Variants in PPFIA2 observed in about 807,000 individuals in gnomAD.
The protein encoded by PPFIA2 is liprin-alpha-2.
PPFIA2 carries 46 observed loss-of-function variants against 175.5 expected under a neutral mutation model. That is an observed-to-expected ratio of 0.26 (90% CI 0.21 to 0.34). PPFIA2 has a LOEUF of 0.34. Ranked by LOEUF, PPFIA2 falls within the 10% of genes least tolerant of loss-of-function variation. PPFIA2 has a pLI of 1.00. For synonymous variants in PPFIA2, 568 were observed against 511.4 expected (o/e 1.11, Z -1.49); for missense variants, 1,179 against 1,506.1 (o/e 0.78, Z 3.60).
intron 4 of PPFIA2, among the ~76,000 whole-genome samples, chr12:81,522,428 T>C (rs1021243993): frequency 6.6e-6 from 1 of 151,954 alleles, no homozygotes; most frequent in Non-Finnish European, 1.5e-5. Flanking sequence ...ATTCACTCTC[T>C]GAAAAAAAAA....
chr12:81,694,089 G>C (rs1367718440), intron 3 of PPFIA2, among the ~76,000 whole-genome samples: 1 of 152,042 alleles, frequency 6.6e-6, no homozygotes, highest in Non-Finnish European at 1.5e-5. Flanking sequence ...AATGCATAAA[G>C]TTTGGAAAAT....
intron 4 of PPFIA2, among the ~76,000 whole-genome samples, chr12:81,653,234 G>A (rs1411408072): frequency 6.6e-6 from 1 of 151,938 alleles, no homozygotes; most frequent in Non-Finnish European, 1.5e-5. Context: ...ATTTTCCATA[G>A]TACTTGGAAT....
chr12:81,650,396 T>C (rs1168399174), intron 4 of PPFIA2, among the ~76,000 whole-genome samples: 3 of 152,204 alleles, frequency 2.0e-5, no homozygotes, highest in Non-Finnish European at 4.4e-5. Context: ...ACTTGTACTA[T>C]TAGTCTTTAA....
chr12:81,498,714 T>A (rs1172907609), intron 4 of PPFIA2, among the ~76,000 whole-genome samples: 1 of 152,142 alleles, frequency 6.6e-6, no homozygotes, highest in African/African-American at 2.4e-5. Flanking sequence ...AACCTCCACC[T>A]CCCAGGTTCA....
chr12:81,662,596 A>T (rs2069145154), intron 4 of PPFIA2, among the ~76,000 whole-genome samples: 1 of 152,184 alleles, frequency 6.6e-6, no homozygotes. Flanking sequence ...GACCAGATGG[A>T]TTCACAGCCG....
chr12:81,565,972 T>G (rs562821485), intron 4 of PPFIA2, among the ~76,000 whole-genome samples: 11 of 152,290 alleles, frequency 7.2e-5, no homozygotes, highest in African/African-American at 2.6e-4. Context: ...CTGTCACATA[T>G]GTATATTTAC....
rs753815136 is a variant in PPFIA2 at position 81,353,288 on chromosome 12, G to A, written c.1825C>T (p.Leu609=). The A allele has an allele frequency of 1.2e-6, 2 of 1,613,546 alleles. No homozygotes were observed. Among genetic ancestry groups the A allele is most frequent in the Admixed American group, 1.7e-5 (1 of 59,938 alleles). Residue 609 remains leucine, a synonymous_variant, in exon 17 of 33, where the codon CTA becomes TTA. Coordinates refer to ENST00000549396, the MANE Select transcript of PPFIA2 (RefSeq NM_003625.5). The stretch of plus-strand genomic sequence containing the variant: ...TCACTTTCAAAAGGGTGGCTGCTTA[G>A]TACTCCAATCTGTTGAGTTCTATTC... ...EWNRTQQIGV[L]SSHPFESDTE...
chr12:81,666,284 T>C (rs538049476), intron 4 of PPFIA2, among the ~76,000 whole-genome samples: 1 of 152,316 alleles, frequency 6.6e-6, no homozygotes, highest in South Asian at 2.1e-4. Context: ...GGATTATAAA[T>C]CATGCTGCTA....
intron 4 of PPFIA2, among the ~76,000 whole-genome samples, chr12:81,473,167 G>C (rs1181229572): frequency 6.6e-6 from 1 of 152,150 alleles, no homozygotes; most frequent in Non-Finnish European, 1.5e-5. Flanking sequence ...CAGCACTCTG[G>C]GGGGCTGAGG....
chr12:81,732,573 T>C (rs2081061879), intron 3 of PPFIA2, among the ~76,000 whole-genome samples: 1 of 146,828 alleles, frequency 6.8e-6, no homozygotes, highest in Non-Finnish European at 1.5e-5. Flanking sequence ...TTACAAACAA[T>C]GTGTATTTCT....
chr12:81,476,058 T>C (rs1168755968), intron 4 of PPFIA2, among the ~76,000 whole-genome samples: 1 of 152,198 alleles, frequency 6.6e-6, no homozygotes, highest in Non-Finnish European at 1.5e-5. Flanking sequence ...GATAAGTTTC[T>C]TCTAGGCTAG....
chr12:81,444,097 G>A (rs112256433), intron 6 of PPFIA2, among the ~76,000 whole-genome samples: 9,878 of 151,462 alleles, frequency 0.065, 425 homozygotes, highest in African/African-American at 0.12. Flanking sequence ...CTCGTGATCC[G>A]CCCGCCTCGG....
chr12:81,570,890 G>C (rs2072418062), intron 4 of PPFIA2, among the ~76,000 whole-genome samples: 1 of 151,650 alleles, frequency 6.6e-6, no homozygotes, highest in Admixed American at 6.6e-5. Flanking sequence ...ATCTCTTACT[G>C]GTTTATATTC....
At chr12:81,628,269 G>A (rs983749016) in intron 4 of PPFIA2, among the ~76,000 whole-genome samples, 4 of 151,598 alleles carry the variant, frequency 2.6e-5, no homozygotes, top group African/African-American at 9.7e-5. Context: ...GGCATTTAAG[G>A]TATTAAGCAT....
chr12:81,673,668 A>G (rs1054504523), intron 4 of PPFIA2, among the ~76,000 whole-genome samples: 1 of 152,066 alleles, frequency 6.6e-6, no homozygotes, highest in African/African-American at 2.4e-5. Flanking sequence ...TTTCAAAGAC[A>G]GCTTTAAGTT....
chr12:81,450,302 T>C (rs1444139218), intron 5 of PPFIA2, among the ~76,000 whole-genome samples: 2 of 152,188 alleles, frequency 1.3e-5, no homozygotes, highest in African/African-American at 2.4e-5. Context: ...CCAGCACCTG[T>C]TGTTTCCTCA....
intron 4 of PPFIA2, among the ~76,000 whole-genome samples, chr12:81,460,872 T>C (rs1378929300): frequency 6.6e-6 from 1 of 152,032 alleles, no homozygotes; most frequent in Non-Finnish European, 1.5e-5. Context: ...TTAAGTACAT[T>C]GTGCAAAGTT....
At chr12:81,743,158 C>T (rs1485165037) in intron 3 of PPFIA2, among the ~76,000 whole-genome samples, 1 of 151,908 alleles carries the variant, frequency 6.6e-6, no homozygotes, top group African/African-American at 2.4e-5. Context: ...GTGGCTCACG[C>T]CTGTAATCCC....
chr12:81,277,409 C>T lies in PPFIA2; in HGVS notation c.3218G>A (p.Ser1073Asn). The stretch of plus-strand genomic sequence containing the variant: ...TAAGCACATAATTCCATATTGTAAA[C>T]TTGTTCTTTTTTTTTTATTAAAAAA... ...LKMVDSFHRT[S>N]LQYGIMCLKR... Residue 1073 changes from serine (S) to asparagine (N), a missense_variant, in exon 28 of 33, where the codon AGT (serine) becomes AAT (asparagine). Physicochemically the swap from Ser to Asn is conservative, Grantham distance 46 (BLOSUM62 1). Coordinates refer to ENST00000549396, the MANE Select transcript of PPFIA2 (RefSeq NM_003625.5). 1 of 1,491,524 alleles carries T rather than the reference C, an allele frequency of 6.7e-7. No individual in the cohort carries two copies. The highest frequency in any genetic ancestry group is 8.9e-7 in the Non-Finnish European group (1 of 1,127,464). The allele number at this position is 1,491,524 out of a possible 1,614,324, so 92.4% of individuals were successfully genotyped here.
Sources: gnomAD v4.1 joint callset for allele counts (sites outside exome capture counted in the v4.1 genomes callset) on GRCh38, gnomAD v4.1.1 for gene constraint, MANE v1.5 for transcripts, NCBI Gene and HGNC (gene_info 2026-07-23, HGNC 2026-07-21) for gene names.